Variants in ZNF488 observed in about 807,000 individuals in gnomAD.
ZNF488 encodes zinc finger protein 488.
A neutral mutation model predicts 1.2 loss-of-function variants in ZNF488; 1 was observed. That is an observed-to-expected ratio of 0.86 (90% CI 0.30 to 4.07). The LOEUF is 4.07. Ranked by LOEUF, ZNF488 falls within the 30% of genes most tolerant of loss-of-function variation. The probability of loss-of-function intolerance (pLI) is 0.18; values close to 1 mark genes in which losing one functional copy is unlikely to be tolerated. For synonymous variants in ZNF488, 185 were observed against 190.1 expected, an observed-to-expected ratio of 0.97 and a Z score of 0.22; for missense variants, 450 against 437.9, an observed-to-expected ratio of 1.03 and a Z score of -0.25.
rs1188213612 is a variant in ZNF488 at position 47,367,982 on chromosome 10, G to C, written c.848C>G (p.Ser283Cys). The change falls in exon 2 of 2, where the codon TCC becomes TGC. Residue 283 changes from serine (S) to cysteine (C), a missense_variant. Ser to Cys is a moderately radical substitution (Grantham distance 112). Transcript: ENST00000585316. The part of the protein sequence containing the change: ...TQNWCAKCNL[S>C]FRLTSDLVFH... The stretch of plus-strand genomic sequence containing the variant: ...GACCAGGTCGGACGTTAGGCGAAAG[G>C]ACAGGTTGCACTTTGCACACCAGTT... 6.2e-7 allele frequency: 1 copy of C among 1,614,170 alleles called. No homozygotes were observed.
intron 1 of ZNF488, among the ~76,000 whole-genome samples, chr10:47,374,133 G>T (rs1005924320): frequency 1.1e-4 from 16 of 152,214 alleles, no homozygotes; most frequent in African/African-American, 3.4e-4. Flanking sequence ...GTCCTTCAAA[G>T]ATCTTGCTCA....
Position 47,368,504 on chromosome 10 carries a change from T to C in ZNF488, c.326A>G (p.Lys109Arg), listed in dbSNP as rs782142256. Reference protein sequence around the residue: ...QSAFTELPRMKDRQVDAQAQE... With the variant: ...QSAFTELPRMRDRQVDAQAQE... ...GGCCTGAGCATCCACCTGCCGGTCC[T>C]TCATCCTCGGCAGCTCCGTGAAGGC... is the stretch of plus-strand genomic sequence containing the variant. The change falls in exon 2 of 2, where the codon AAG (lysine) becomes AGG (arginine). Residue 109 changes from lysine (K) to arginine (R), a missense_variant. Coordinates refer to ENST00000585316, the MANE Select transcript of ZNF488 (RefSeq NM_153034.4). 1 of 1,613,844 alleles carries C rather than the reference T, an allele frequency of 6.2e-7. No homozygotes were observed. The highest frequency in any genetic ancestry group is 8.5e-7 in the Non-Finnish European group (1 of 1,179,982).
chr10:47,365,974 G>C lies in ZNF488; in HGVS notation c.*1833C>G, dbSNP rs1837202779. The C allele has an allele frequency of 6.0e-6, 1 of 167,100 alleles. No individual in the cohort carries two copies. Among genetic ancestry groups the C allele is most frequent in the South Asian group, 2.1e-4 (1 of 4,830 alleles). The allele number at this position is 167,100 out of a possible 1,614,324, so 10.4% of individuals were successfully genotyped here. On this transcript the variant is annotated 3_prime_UTR_variant, in exon 2 of 2. Transcript: ENST00000585316. ...GCAAGCTCGGCCCATGAAGGTAGCA[G>C]GTATAGCTTCAGGGAAGTGTCAGAA...
At position 47,367,652 on chromosome 10, in the gene ZNF488, T is replaced by C. The variant is rs1345258173; in HGVS notation, c.*155A>G. The C allele has an allele frequency of 1.2e-6, 1 of 813,500 alleles. No homozygotes were observed. The highest frequency in any genetic ancestry group is 1.9e-6 in the Non-Finnish European group (1 of 517,932). 50.4% of individuals were successfully genotyped at this position (813,500 alleles called of 1,614,324 possible). On this transcript the variant is annotated 3_prime_UTR_variant, in exon 2 of 2. Coordinates refer to ENST00000585316, the MANE Select transcript of ZNF488 (RefSeq NM_153034.4). ...TCCTTCAAAACACATCATGCAGGTG[T>C]GGCTTTTTCAAATTATGCCTGAGCT...
intron 1 of ZNF488, among the ~76,000 whole-genome samples, chr10:47,370,699 G>A (rs912466857): frequency 1.3e-5 from 2 of 152,212 alleles, no homozygotes; most frequent in East Asian, 1.9e-4. Flanking sequence ...GGATGCATAC[G>A]CAAGACGAAG....
chr10:47,372,636 A>G (rs1555213999), intron 1 of ZNF488, among the ~76,000 whole-genome samples: 1 of 152,224 alleles, frequency 6.6e-6, no homozygotes, highest in African/African-American at 2.4e-5. Flanking sequence ...GTTGCCCCAA[A>G]TTCCTCCAGG....
chr10:47,377,295 T>A (rs543533479), intron 1 of ZNF488, among the ~76,000 whole-genome samples: 22 of 152,326 alleles, frequency 1.4e-4, no homozygotes, highest in African/African-American at 5.1e-4. Flanking sequence ...TGCTTATGTG[T>A]GCCTGGTACT....
At chr10:47,378,712 G>A (rs1156255289) in intron 1 of ZNF488, among the ~76,000 whole-genome samples, 1 of 152,198 alleles carries the variant, frequency 6.6e-6, no homozygotes, top group African/African-American at 2.4e-5. Flanking sequence ...GAGAAAGCAA[G>A]AAAAGTGAAC....
At chr10:47,376,809 A>C (rs1837697564) in intron 1 of ZNF488, among the ~76,000 whole-genome samples, 2 of 152,246 alleles carry the variant, frequency 1.3e-5, no homozygotes, top group Admixed American at 1.3e-4. Flanking sequence ...ACATGAAATT[A>C]TAGATGTCCT....
At chr10:47,373,729 A>G (rs1017414590) in intron 1 of ZNF488, among the ~76,000 whole-genome samples, 1 of 152,258 alleles carries the variant, frequency 6.6e-6, no homozygotes, top group Non-Finnish European at 1.5e-5. Context: ...TCCAAGCCCA[A>G]GATGGAGAGA....
chr10:47,372,955 C>T (rs1837536828), intron 1 of ZNF488, among the ~76,000 whole-genome samples: 2 of 152,148 alleles, frequency 1.3e-5, no homozygotes, highest in Admixed American at 1.3e-4. Flanking sequence ...TGGAATCAGG[C>T]ACCTCCTGCC....
At chr10:47,379,934 G>A (rs887593021) in intron 1 of ZNF488, among the ~76,000 whole-genome samples, 3 of 152,278 alleles carry the variant, frequency 2.0e-5, no homozygotes, top group Admixed American at 6.5e-5. Context: ...GCTTTCCTCC[G>A]GGAACCTGCC....
chr10:47,382,479 T>C (rs944955205), intron 1 of ZNF488, among the ~76,000 whole-genome samples: 1 of 152,172 alleles, frequency 6.6e-6, no homozygotes, highest in Non-Finnish European at 1.5e-5. Context: ...CAAACAAAAG[T>C]TGCCACCTCT....
At position 47,368,580 on chromosome 10, in the gene ZNF488, G is replaced by C; in HGVS notation, c.250C>G (p.Arg84Gly). The C allele has an allele frequency of 6.2e-7, 1 of 1,611,358 alleles. No individual in the cohort carries two copies. The highest frequency in any genetic ancestry group is 1.7e-5 in the Admixed American group (1 of 60,002). The change falls in exon 2 of 2, where the codon CGA becomes GGA. Residue 84 changes from arginine to glycine, a missense_variant. Transcript: ENST00000585316. ...TTCGGGGGCAGCGGCTTGCCAGGTC[G>C]GGGCTTGCCTGGGGCTACCAACAGT... Reference protein sequence around the residue: ...LALLVAPGKPRPGKPLPPKTR... With the variant: ...LALLVAPGKPGPGKPLPPKTR...
At chr10:47,380,941 C>G (rs935225888) in intron 1 of ZNF488, among the ~76,000 whole-genome samples, 2,520 of 52,846 alleles carry the variant, frequency 0.048, no homozygotes, top group African/African-American at 0.097. Flanking sequence ...AGGGGTATCA[C>G]TTCTTATCGC....
intron 1 of ZNF488, among the ~76,000 whole-genome samples, chr10:47,381,610 A>G (rs369431571): frequency 1.3e-5 from 2 of 152,168 alleles, no homozygotes; most frequent in East Asian, 3.9e-4. Context: ...GGACCCCTCT[A>G]GCAGCAATGC....
At position 47,367,173 on chromosome 10, in the gene ZNF488, C is replaced by CT. The variant is rs1837249388; in HGVS notation, c.*633dup. 1 of 167,286 alleles carries CT rather than the reference C, an allele frequency of 6.0e-6. No individual in the cohort carries two copies. The highest frequency in any genetic ancestry group is 1.5e-5 in the Non-Finnish European group (1 of 68,286). The allele number at this position is 167,286 out of a possible 1,614,324, so 10.4% of individuals were successfully genotyped here. A position where few individuals can be genotyped will look rare whatever the true frequency, so the allele number is the denominator to read the frequency against. ...GAAAACGAATATGACTTGATCAAAT[C>CT]TGAGACTTGCTGCCAAGCCCAGCCA... On this transcript the variant is annotated 3_prime_UTR_variant, in exon 2 of 2. Transcript: ENST00000585316.
intron 1 of ZNF488, among the ~76,000 whole-genome samples, chr10:47,383,697 T>C (rs1160788587): frequency 1.3e-5 from 2 of 152,208 alleles, no homozygotes; most frequent in Non-Finnish European, 2.9e-5. Context: ...ATATAATCTG[T>C]TGGAGAAAGG....
At chr10:47,378,895 G>A (rs1215455736) in intron 1 of ZNF488, among the ~76,000 whole-genome samples, 1 of 152,156 alleles carries the variant, frequency 6.6e-6, no homozygotes, top group Non-Finnish European at 1.5e-5. Flanking sequence ...ATTCCTCAGA[G>A]GGGGTGCCTG....
Sources: allele counts gnomAD v4.1 joint callset (sites outside exome capture counted in the v4.1 genomes callset), GRCh38; gene constraint gnomAD v4.1.1; transcripts MANE v1.5; gene names NCBI Gene and HGNC (gene_info 2026-07-23, HGNC 2026-07-21).